SLC22A6: variants seen among roughly 807,000 people sequenced by gnomAD.
SLC22A6 encodes the protein PAH transporter.
A neutral mutation model predicts 56.7 loss-of-function variants in SLC22A6; 45 were observed. The ratio of observed to expected loss-of-function variants is 0.79; its 90% CI spans 0.63 to 1.02. The LOEUF (loss-of-function observed/expected upper bound fraction) is 1.02, where lower values mean the gene tolerates loss of function less well. Ranked by LOEUF, SLC22A6 falls within the 50% of genes least tolerant of loss-of-function variation. The pLI, the probability that SLC22A6 is intolerant of heterozygous loss-of-function variation, is 0.00. For missense variants in SLC22A6, 606 were observed against 713.8 expected, an observed-to-expected ratio of 0.85 and a Z score of 1.72; for synonymous variants, 291 against 295.9, an observed-to-expected ratio of 0.98 and a Z score of 0.17.
intron 8 of SLC22A6, 55 bp from the exon 9 acceptor site, chr11:62,977,442 A>T: frequency 6.5e-7 from 1 of 1,544,730 alleles, no homozygotes; most frequent in African/African-American, 1.4e-5. Context: ...GAATGCCCAG[A>T]TGCTGGTCCC....
rs753896060 is a variant in SLC22A6, at chr11:62,976,808, TCTC to T, written c.1636_1638del (p.Glu546del). ...CTTCTCAGTCCTCAGAGTCCATTCT[TCTC>T]TTGTGCTGAGGCCTGCAGTGGGACC... On this transcript the variant is annotated inframe_deletion, in exon 10 of 10. Coordinates refer to ENST00000360421, the MANE Select transcript of SLC22A6 (RefSeq NM_153276.3). The T allele has an allele frequency of 6.2e-7, 1 of 1,613,576 alleles. No homozygotes were observed. Among genetic ancestry groups the T allele is most frequent in the Non-Finnish European group, 8.5e-7 (1 of 1,179,788 alleles).
At position 62,979,476 on chromosome 11, in the gene SLC22A6, G is replaced by A. The variant is rs537229012; in HGVS notation, c.1361+12C>T. 30 of 1,499,956 alleles carry A rather than the reference G, an allele frequency of 2.0e-5. No homozygotes were observed. In the African/African-American group the frequency reaches 3.7e-4, roughly 19 times the overall value. 92.9% of individuals were successfully genotyped at this position (1,499,956 alleles called of 1,614,324 possible). On this transcript the variant is annotated intron_variant, in intron 8 of 9. Transcript: ENST00000360421. The stretch of plus-strand genomic sequence containing the variant: ...GAAAAGGCTGTCATTCTCCCATTAG[G>A]CTCCCACTCACCGGATCATTGTGGG...
Position 62,984,036 on chromosome 11 carries a change from C to T in SLC22A6, c.381G>A (p.Val127=), listed in dbSNP as rs762682735. The change falls in exon 2 of 10, where the codon GTG becomes GTA. Residue 127 remains valine (V), a synonymous_variant. Transcript: ENST00000360421. The part of the protein sequence containing the change: ...PSTIVTEWDL[V]CSHRALRQLA... ...GCTGGCGTAGGGCCCTGTGAGAGCA[C>T]ACAAGGTCCCACTGTGGGGAGAGGA... 1.9e-6 allele frequency: 3 copies of T among 1,610,232 alleles called. No homozygotes were observed. In the East Asian group the frequency reaches 6.7e-5, roughly 36 times the overall value.
Position 62,979,513 on chromosome 11 carries a change from C to T in SLC22A6, c.1336G>A (p.Gly446Arg), listed in dbSNP as rs767597439. The change falls in exon 8 of 10, where the codon GGG (glycine) becomes AGG (arginine). Residue 446 changes from glycine (G) to arginine (R), a missense_variant. Physicochemically the swap from Gly to Arg is moderately radical, Grantham distance 125. Transcript: ENST00000360421. ...ASFNCIFLYT[G>R]ELYPTMIRQT... ...CGGATCATTGTGGGATACAGTTCCCCAGTATACAGGAAGATGCAGTTGAAG... is the reference window on the plus strand; with the variant it reads ...CGGATCATTGTGGGATACAGTTCCCTAGTATACAGGAAGATGCAGTTGAAG... 3 of 1,612,780 alleles carry T rather than the reference C, an allele frequency of 1.9e-6. No homozygotes were observed. Among genetic ancestry groups the T allele is most frequent in the Admixed American group, 1.7e-5 (1 of 59,990 alleles).
chr11:62,981,356 G>A lies in SLC22A6; in HGVS notation c.825C>T (p.His275=). 6.3e-7 allele frequency: 1 copy of A among 1,592,568 alleles called. No homozygotes were observed. The highest frequency in any genetic ancestry group is 8.6e-7 in the Non-Finnish European group (1 of 1,169,314). Residue 275 remains histidine, a synonymous_variant, in exon 5 of 10, where the codon CAC becomes CAT. Coordinates refer to ENST00000360421, the MANE Select transcript of SLC22A6 (RefSeq NM_153276.3). ...SWFFIESARW[H]SSSGRLDLTL... ...TGAGGTCCAGCCTCCCGGAGGAGGA[G>A]TGCCAGCGGGCCGACTCAATGAAGA...
intron 9 of SLC22A6, 46 bp from the exon 10 acceptor site, chr11:62,976,927 G>A (rs367964512): frequency 2.5e-6 from 4 of 1,602,234 alleles, no homozygotes; most frequent in African/African-American, 2.7e-5. Flanking sequence ...CAGCCTCCAG[G>A]CCAGGGCCGG....
rs762771002 is a variant in SLC22A6, at chr11:62,984,312, A to G, written c.369+10T>C. 19 of 1,611,778 alleles carry G rather than the reference A, an allele frequency of 1.2e-5. No individual in the cohort carries two copies. The highest frequency in any genetic ancestry group is 1.6e-5 in the Non-Finnish European group (19 of 1,179,756). On this transcript the variant is annotated intron_variant, in intron 1 of 9. Coordinates refer to ENST00000360421, the MANE Select transcript of SLC22A6 (RefSeq NM_153276.3). ...TCTTGGCCCCTGGATGGGGAGCCCC[A>G]GGTGCTCACCTCAGTCACGATGGTA...
chr11:62,979,876 G>A lies in SLC22A6; in HGVS notation c.1110C>T (p.Ile370=). The A allele has an allele frequency of 6.2e-7, 1 of 1,614,188 alleles. No homozygotes were observed. The highest frequency in any genetic ancestry group is 8.5e-7 in the Non-Finnish European group (1 of 1,180,002). Residue 370 remains isoleucine, a synonymous_variant, in exon 7 of 10, where the codon ATC becomes ATT. Coordinates refer to ENST00000360421, the MANE Select transcript of SLC22A6 (RefSeq NM_153276.3). ...LQGFGVSIYL[I]QVIFGAVDLP... ...GGTCCACAGCACCAAAGATCACCTG[G>A]ATTAGGTAGATGCTGACTCCAAAGC...
At position 62,983,880 on chromosome 11, in the gene SLC22A6, C is replaced by T; in HGVS notation, c.473+64G>A. On this transcript the variant is annotated intron_variant, in intron 2 of 9. Transcript: ENST00000360421. The surrounding 1 kb of genome is among the most constrained non-coding windows in gnomAD (Gnocchi z 4.5). Reference sequence around the variant, plus strand: ...CAATGCCAAGCTCCCACCTAGACACCCTGAGCCCAGCTGAGCCCCTAATCC... The same window carrying T: ...CAATGCCAAGCTCCCACCTAGACACTCTGAGCCCAGCTGAGCCCCTAATCC... 1.5e-6 allele frequency: 2 copies of T among 1,332,040 alleles called. No individual in the cohort carries two copies. The highest frequency in any genetic ancestry group is 2.1e-6 in the Non-Finnish European group (2 of 949,858). The allele number at this position is 1,332,040 out of a possible 1,614,324, so 82.5% of individuals were successfully genotyped here.
chr11:62,982,463 A>C (rs1376755649), intron 3 of SLC22A6, among the ~76,000 whole-genome samples: 5 of 152,004 alleles, frequency 3.3e-5, no homozygotes. Context: ...TGGTCTGGAG[A>C]GGCCTACCTC....
At position 62,983,656 on chromosome 11, in the gene SLC22A6, A is replaced by G; in HGVS notation, c.509T>C (p.Leu170Pro). 6.2e-7 allele frequency: 1 copy of G among 1,612,766 alleles called. No individual in the cohort carries two copies. Among genetic ancestry groups the G allele is most frequent in the East Asian group, 2.2e-5 (1 of 44,846 alleles). ...GCAGGTCCCTGACACAGCTGTCTGC[A>G]GGTAGTTCAAGATGAGTACCTTCCG... ...GRRKVLILNY[L>P]QTAVSGTCAA... Residue 170 changes from leucine to proline, a missense_variant, in exon 3 of 10, where the codon CTG (leucine) becomes CCG (proline). Coordinates refer to ENST00000360421, the MANE Select transcript of SLC22A6 (RefSeq NM_153276.3). The surrounding 1 kb of genome is among the most constrained non-coding windows in gnomAD (Gnocchi z 4.5).
Position 62,981,286 on chromosome 11 carries a change from C to G in SLC22A6, c.895G>C (p.Glu299Gln). ...QRVARINGKR[E>Q]EGAKLSMEVL... The stretch of plus-strand genomic sequence containing the variant: ...TCCATACTCAATTTGGCTCCTTCTT[C>G]CCGCTTCCCATTGATCCGGGCGACT... The change falls in exon 5 of 10, where the codon GAA (glutamate) becomes CAA (glutamine). Residue 299 changes from glutamate (E) to glutamine (Q), a missense_variant. Transcript: ENST00000360421. 6.2e-7 allele frequency: 1 copy of G among 1,609,196 alleles called. No individual in the cohort carries two copies. The highest frequency in any genetic ancestry group is 1.3e-5 in the African/African-American group (1 of 75,000).
At position 62,981,897 on chromosome 11, in the gene SLC22A6, G is replaced by A. The variant is rs760972754; in HGVS notation, c.742C>T (p.Arg248Cys). 18 of 1,613,888 alleles carry A rather than the reference G, an allele frequency of 1.1e-5. No homozygotes were observed. Among genetic ancestry groups the A allele is most frequent in the Middle Eastern group, 1.6e-4 (1 of 6,080 alleles). Residue 248 changes from arginine (R) to cysteine (C), a missense_variant, in exon 4 of 10, where the codon CGC (arginine) becomes TGC (cysteine). Coordinates refer to ENST00000360421, the MANE Select transcript of SLC22A6 (RefSeq NM_153276.3). ...GCAGAGACCAGTAGCTGCAGGTGGC[G>A]CCAGTGGGGCACAGCGTAGGCCACA... is the stretch of plus-strand genomic sequence containing the variant. ...AGVAYAVPHW[R>C]HLQLLVSAPF...
intron 9 of SLC22A6, 58 bp downstream of exon 9, chr11:62,977,126 C>G: frequency 6.2e-7 from 1 of 1,613,394 alleles, no homozygotes; most frequent in Non-Finnish European, 8.5e-7. Context: ...TCAATACCAC[C>G]CCACCCTGCA....
Position 62,978,161 on chromosome 11 carries a change from A to C in SLC22A6, c.1362-774T>G, listed in dbSNP as rs1392168538. Among the ~76,000 whole-genome samples the C allele has an allele frequency of 3.3e-5, 5 of 152,094 alleles. No homozygotes were observed. The East Asian group carries it at 7.7e-4, about 23-fold the overall frequency. The stretch of plus-strand genomic sequence containing the variant: ...GCCTGGTACATAGTGAGTGCTTCGG[A>C]TTATTGCTCTTTCATCTGAAATCTG... On this transcript the variant is annotated intron_variant, in intron 8 of 9. Transcript: ENST00000360421.
chr11:62,980,638 C>T (rs2086242136), intron 6 of SLC22A6, among the ~76,000 whole-genome samples: 2 of 152,206 alleles, frequency 1.3e-5, no homozygotes, highest in South Asian at 2.1e-4. Flanking sequence ...CTGGCAGGCA[C>T]CATCAGGCCA....
chr11:62,976,963 C>T (rs72480417), intron 9 of SLC22A6, 82 bp from the exon 10 acceptor site: 50 of 1,538,922 alleles, frequency 3.2e-5, no homozygotes, highest in Non-Finnish European at 4.1e-5. Flanking sequence ...AGGGGGTCTC[C>T]GCTCAGCTAT....
chr11:62,976,884 G>T lies in SLC22A6; in HGVS notation c.1566-3C>A, dbSNP rs751144726. The T allele has an allele frequency of 1.1e-5, 17 of 1,613,676 alleles. No homozygotes were observed. Among genetic ancestry groups the T allele is most frequent in the South Asian group, 3.3e-5 (3 of 90,994 alleles). ...GCTGTCGCGTCTGTTTCCCTTTCCTGCAGGGCGGCAGAAGAATGGCACTCT... is the reference window on the plus strand; with the variant it reads ...GCTGTCGCGTCTGTTTCCCTTTCCTTCAGGGCGGCAGAAGAATGGCACTCT... On this transcript the variant is annotated splice_polypyrimidine_tract_variant and splice_region_variant and intron_variant, in intron 9 of 9. Transcript: ENST00000360421.
chr11:62,981,256 T>C lies in SLC22A6; in HGVS notation c.921+4A>G. 1 of 1,609,918 alleles carries C rather than the reference T, an allele frequency of 6.2e-7. No homozygotes were observed. The highest frequency in any genetic ancestry group is 8.5e-7 in the Non-Finnish European group (1 of 1,178,250). The stretch of plus-strand genomic sequence containing the variant: ...TTATCATGGGAAGTCTCAGGGGATC[T>C]CACCTCCATACTCAATTTGGCTCCT... On this transcript the variant is annotated splice_donor_region_variant and intron_variant, in intron 5 of 9. Coordinates refer to ENST00000360421, the MANE Select transcript of SLC22A6 (RefSeq NM_153276.3).
Sources: allele counts gnomAD v4.1 joint callset (sites outside exome capture counted in the v4.1 genomes callset), GRCh38; gene constraint gnomAD v4.1.1; non-coding constraint Gnocchi (gnomAD v3.1); transcripts MANE v1.5; gene names NCBI Gene and HGNC (gene_info 2026-07-23, HGNC 2026-07-21).